The following SORCS1 variants were observed in gnomAD, a reference collection of about 807,000 sequenced individuals.
SORCS1 encodes VPS10 domain-containing receptor SorCS1.
In SORCS1, 60 loss-of-function variants were observed where a neutral mutation model predicts 146.1. That is an observed-to-expected ratio of 0.41 (90% CI 0.33 to 0.51). The LOEUF (loss-of-function observed/expected upper bound fraction) is 0.51. SORCS1 is among the 20% of genes least tolerant of loss of function. The probability of loss-of-function intolerance (pLI) is 0.21; values close to 1 mark genes in which losing one functional copy is unlikely to be tolerated. For missense variants in SORCS1, 1,352 were observed against 1,487.6 expected (o/e 0.91, Z 1.50); for synonymous variants, 637 against 584.0 (o/e 1.09, Z -1.31).
intron 17 of SORCS1, among the ~76,000 whole-genome samples, chr10:106,666,237 G>A (rs1347810048): frequency 6.6e-6 from 1 of 152,204 alleles, no homozygotes; most frequent in Admixed American, 6.5e-5. Context: ...CCAATCAGCT[G>A]AAGGCCTGAA....
chr10:107,025,203 C>A (rs998039006), intron 1 of SORCS1, among the ~76,000 whole-genome samples: 1 of 152,166 alleles, frequency 6.6e-6, no homozygotes, highest in African/African-American at 2.4e-5. Flanking sequence ...AAACCTTTAA[C>A]CCTGCAAATG....
In SORCS1 at chr10:107,065,678, G is replaced by GT. The variant is rs1289353385; in HGVS notation, c.558+98290dup. Among the ~76,000 whole-genome samples the GT allele has an allele frequency of 3.3e-5, 5 of 151,618 alleles. No individual in the cohort carries two copies. The East Asian group carries it at 7.7e-4, about 23-fold the overall frequency. On this transcript the variant is annotated intron_variant, in intron 1 of 25. Transcript: ENST00000263054. ...GTTTGTTTGTTTGTTTGTTTGCTTT[G>GT]TTTTTGTTTTGTATTTTTTGGCAGA...
rs1376865703 is a variant in SORCS1 at position 107,084,199 on chromosome 10, C to T, written c.558+79770G>A. Reference sequence around the variant, plus strand: ...CAAGCTCTGCCTCCTGGGTTCACGCCACTCTCCTGCCTCAGCCTCCCAAGT... The same window carrying T: ...CAAGCTCTGCCTCCTGGGTTCACGCTACTCTCCTGCCTCAGCCTCCCAAGT... On this transcript the variant is annotated intron_variant, in intron 1 of 25. Coordinates refer to ENST00000263054, the MANE Select transcript of SORCS1 (RefSeq NM_052918.5). 4.7e-5 allele frequency among the ~76,000 whole-genome samples: 7 copies of T among 150,360 alleles called. No individual in the cohort carries two copies. The East Asian group carries it at 1.4e-3, about 30-fold the overall frequency.
At chr10:106,976,345 T>TGTTTTG (rs1564878158) in intron 1 of SORCS1, among the ~76,000 whole-genome samples, 4 of 148,186 alleles carry the variant, frequency 2.7e-5, no homozygotes, top group African/African-American at 7.4e-5. Context: ...TTTTTTTTTT[T>TGTTTTG]TTTTGAGACG....
In SORCS1 at chr10:107,097,387, C is replaced by A. The variant is rs141097604; in HGVS notation, c.558+66582G>T. Among the ~76,000 whole-genome samples, 290 of 152,292 alleles carry A rather than the reference C, an allele frequency of 1.9e-3. 12 individuals carry two copies. In the East Asian group the frequency reaches 0.044, roughly 23 times the overall value. On this transcript the variant is annotated intron_variant, in intron 1 of 25. Transcript: ENST00000263054. Reference sequence around the variant, plus strand: ...ATAAAGGCAACAAAACTGGCTGGATCATTTCCATTTCTTTCCAGGTTCTTT... The same window carrying A: ...ATAAAGGCAACAAAACTGGCTGGATAATTTCCATTTCTTTCCAGGTTCTTT...
intron 1 of SORCS1, among the ~76,000 whole-genome samples, chr10:106,968,721 A>C (rs1425687442): frequency 6.6e-6 from 1 of 152,222 alleles, no homozygotes; most frequent in African/African-American, 2.4e-5. Flanking sequence ...AAGAAACTGG[A>C]ATAAAAACTG....
In SORCS1 at chr10:106,952,920, C is replaced by T. The variant is rs1954760129; in HGVS notation, c.626+3593G>A. The stretch of plus-strand genomic sequence containing the variant: ...ATCACTTTTATCTGGGTGTTTGAGG[C>T]TGTAGTAAGCTGTGATCATGCCACT... On this transcript the variant is annotated intron_variant, in intron 2 of 25. Transcript: ENST00000263054. 2.0e-5 allele frequency among the ~76,000 whole-genome samples: 3 copies of T among 151,928 alleles called. No individual in the cohort carries two copies. In the South Asian group the frequency reaches 6.2e-4, roughly 32 times the overall value.
At chr10:107,083,784 A>C (rs1963534175) in intron 1 of SORCS1, among the ~76,000 whole-genome samples, 1 of 152,200 alleles carries the variant, frequency 6.6e-6, no homozygotes, top group South Asian at 2.1e-4. Context: ...GCACTGTAAA[A>C]GGAGGCCCTA....
intron 2 of SORCS1, among the ~76,000 whole-genome samples, chr10:106,874,462 C>T (rs983863225): frequency 3.9e-5 from 6 of 152,138 alleles, no homozygotes; most frequent in Non-Finnish European, 5.9e-5. Context: ...ACTTTGGATA[C>T]AATACTCAAT....
At chr10:107,155,399 T>G (rs1969196336) in intron 1 of SORCS1, among the ~76,000 whole-genome samples, 1 of 152,154 alleles carries the variant, frequency 6.6e-6, no homozygotes, top group South Asian at 2.1e-4. Context: ...GCCTGGTCCC[T>G]TCTCCCCATC....
chr10:106,744,113 T>G (rs1439695473), intron 5 of SORCS1, among the ~76,000 whole-genome samples: 1 of 152,140 alleles, frequency 6.6e-6, no homozygotes, highest in Non-Finnish European at 1.5e-5. Context: ...ATTTATTTAT[T>G]TATTTACTTG....
chr10:106,657,660 T>C (rs1850402778), intron 17 of SORCS1, among the ~76,000 whole-genome samples: 1 of 41,528 alleles, frequency 2.4e-5, no homozygotes, highest in Admixed American at 3.0e-4. Flanking sequence ...TATAACACTA[T>C]ATGTGTGTGT....
intron 1 of SORCS1, among the ~76,000 whole-genome samples, chr10:107,018,051 T>C (rs141400607): frequency 1.3e-5 from 2 of 152,314 alleles, no homozygotes; most frequent in Non-Finnish European, 2.9e-5. Context: ...AGGAAATGAA[T>C]GTCCTTATCT....
intron 18 of SORCS1, among the ~76,000 whole-genome samples, chr10:106,638,694 G>T (rs967431735): frequency 3.3e-5 from 5 of 152,090 alleles, no homozygotes; most frequent in Non-Finnish European, 5.9e-5. Flanking sequence ...ATGATTTCTT[G>T]CCCTGGAAGT....
rs367878344 is a variant in SORCS1, at chr10:106,611,916, C to T, written c.3028G>A (p.Val1010Met). Residue 1010 changes from valine (V) to methionine (M), a missense_variant, in exon 22 of 26, where the codon GTG becomes ATG. Around this residue, in one of 3 missense-constraint regions of SORCS1, gnomAD observed 214 missense variants for 204.8 expected, o/e 1.05. Transcript: ENST00000263054. The stretch of plus-strand genomic sequence containing the variant: ...AAGAAACTGTGTGCACTCACTTCCA[C>T]CAGGGATTTTTTGATGACTCGACCG... Reference protein sequence around the residue: ...DIGRVIKKSLVEATGVPGQHI... With the variant: ...DIGRVIKKSLMEATGVPGQHI... 3 of 1,612,966 alleles carry T rather than the reference C, an allele frequency of 1.9e-6. No homozygotes were observed. The highest frequency in any genetic ancestry group is 2.5e-6 in the Non-Finnish European group (3 of 1,178,972).
rs112844313 is a variant in SORCS1 at position 106,706,481 on chromosome 10, G to C, written c.1233+64C>G. 1.1e-3 allele frequency: 1,572 copies of C among 1,479,532 alleles called. 15 individuals are homozygous for C. The African/African-American group carries it at 0.019, about 18-fold the overall frequency. The allele number at this position is 1,479,532 out of a possible 1,614,324, so 91.7% of individuals were successfully genotyped here. ...AGGCTGAAAGAGTCCTTGGGAAAGG[G>C]ATGGAGGCTGGCTTCTGTGAATGAG... On this transcript the variant is annotated intron_variant, in intron 8 of 25. Coordinates refer to ENST00000263054, the MANE Select transcript of SORCS1 (RefSeq NM_052918.5).
At chr10:106,589,300 CTTTCTAT>C (rs1377407800) in intron 24 of SORCS1, among the ~76,000 whole-genome samples, 1 of 152,142 alleles carries the variant, frequency 6.6e-6, no homozygotes, top group African/African-American at 2.4e-5. Flanking sequence ...CCTCTTTTTA[CTTTCTAT>C]TCTCATGGAA....
At chr10:106,752,763 A>G (rs1243049139) in intron 5 of SORCS1, among the ~76,000 whole-genome samples, 1 of 152,134 alleles carries the variant, frequency 6.6e-6, no homozygotes, top group African/African-American at 2.4e-5. Context: ...AACCAGGGTA[A>G]TGCTAAGGAG....
At chr10:107,027,451 A>G (rs1958455966) in intron 1 of SORCS1, among the ~76,000 whole-genome samples, 1 of 152,158 alleles carries the variant, frequency 6.6e-6, no homozygotes, top group Non-Finnish European at 1.5e-5. Context: ...AGCTGCAGGA[A>G]TCAGGCAATC....
Sources: allele counts gnomAD v4.1 joint callset (sites outside exome capture counted in the v4.1 genomes callset), GRCh38; gene constraint gnomAD v4.1.1; regional missense constraint gnomAD v4.1.1; transcripts MANE v1.5; gene names NCBI Gene and HGNC (gene_info 2026-07-23, HGNC 2026-07-21).